The following FOCAD variants were observed in gnomAD, a reference collection of about 807,000 sequenced individuals.
FOCAD encodes the protein KIAA1797.
A neutral mutation model predicts 225.6 loss-of-function variants in FOCAD; 198 were observed. That is an observed-to-expected ratio of 0.88 (90% CI 0.78 to 0.99). The LOEUF is 0.99. FOCAD is among the 50% of genes least tolerant of loss of function. The probability of loss-of-function intolerance (pLI) is 0.00; values close to 1 mark genes in which losing one functional copy is unlikely to be tolerated. For missense variants in FOCAD, 2,713 were observed against 2,123.6 expected (o/e 1.28, Z -5.46); for synonymous variants, 897 against 755.0 (o/e 1.19, Z -3.08).
intron 2 of FOCAD, among the ~76,000 whole-genome samples, chr9:20,662,880 A>C (rs1403542875): frequency 1.3e-5 from 2 of 152,214 alleles, no homozygotes; most frequent in Non-Finnish European, 1.5e-5. Flanking sequence ...TTAATAGAAA[A>C]ATCAAGACAT....
intron 33 of FOCAD, 96 bp downstream of exon 33, chr9:20,949,771 T>C (rs1837520597): frequency 2.8e-6 from 3 of 1,072,236 alleles, no homozygotes; most frequent in Non-Finnish European, 4.3e-6. Context: ...ACCTGGAAAA[T>C]GGGAAAGTCT....
At chr9:20,896,271 T>C (rs1471659955) in intron 21 of FOCAD, among the ~76,000 whole-genome samples, 1 of 151,920 alleles carries the variant, frequency 6.6e-6, no homozygotes, top group Non-Finnish European at 1.5e-5. Context: ...TATATTTTGT[T>C]GAGGCCTTTT....
Position 20,832,075 on chromosome 9 carries a change from G to A in FOCAD, c.1920+8960G>A, listed in dbSNP as rs79049530. ...TTGAGTAATACTGTGTTGTATGGCT[G>A]TATCAGTTGATGAACATTTGGCTTT... On this transcript the variant is annotated intron_variant, in intron 15 of 43. Coordinates refer to ENST00000338382, the MANE Select transcript of FOCAD (RefSeq NM_001375567.1). 2.2e-3 allele frequency among the ~76,000 whole-genome samples: 338 copies of A among 152,118 alleles called. 10 individuals carry two copies. The East Asian group carries it at 0.043, about 20-fold the overall frequency.
At chr9:20,845,010 C>T (rs890537317) in intron 15 of FOCAD, among the ~76,000 whole-genome samples, 17 of 151,902 alleles carry the variant, frequency 1.1e-4, no homozygotes, top group Non-Finnish European at 1.8e-4. Flanking sequence ...AATCCCTTTC[C>T]GATTTCTTTC....
chr9:20,795,664 G>C (rs1019187078), intron 11 of FOCAD, among the ~76,000 whole-genome samples: 1 of 151,294 alleles, frequency 6.6e-6, no homozygotes, highest in Non-Finnish European at 1.5e-5. Flanking sequence ...GGTGCCTGTA[G>C]TCCCAGCTAC....
chr9:20,912,101 C>T (rs1833485551), intron 22 of FOCAD, among the ~76,000 whole-genome samples: 1 of 152,086 alleles, frequency 6.6e-6, no homozygotes, highest in Non-Finnish European at 1.5e-5. Context: ...TAAACTGGCA[C>T]ATCTACTTCT....
intron 24 of FOCAD, among the ~76,000 whole-genome samples, chr9:20,917,681 C>G (rs746793098): frequency 2.6e-5 from 4 of 152,080 alleles, no homozygotes; most frequent in Non-Finnish European, 5.9e-5. Flanking sequence ...TACCTTTGAC[C>G]TAGAGGATTT....
chr9:20,851,570 TA>T (rs1170417998), intron 15 of FOCAD, among the ~76,000 whole-genome samples: 1 of 151,840 alleles, frequency 6.6e-6, no homozygotes, highest in Non-Finnish European at 1.5e-5. Context: ...TAATAAAGTC[TA>T]ATATCTGGTA....
intron 8 of FOCAD, among the ~76,000 whole-genome samples, chr9:20,770,832 T>A (rs1350746339): frequency 6.6e-6 from 1 of 152,216 alleles, no homozygotes; most frequent in Non-Finnish European, 1.5e-5. Context: ...ATCATTAAAA[T>A]ACTCTTCGGA....
At chr9:20,985,026 C>G (rs771230435) in intron 39 of FOCAD, among the ~76,000 whole-genome samples, 1 of 152,170 alleles carries the variant, frequency 6.6e-6, no homozygotes, top group Non-Finnish European at 1.5e-5. Flanking sequence ...GTTTTGACCT[C>G]CTGGCCTCAA....
At chr9:20,705,665 T>C (rs1824318472) in intron 1 of FOCAD, among the ~76,000 whole-genome samples, 1 of 151,948 alleles carries the variant, frequency 6.6e-6, no homozygotes, top group South Asian at 2.1e-4. Flanking sequence ...AAATGTTTTG[T>C]ACTGGGCAAT....
At position 20,766,141 on chromosome 9, in the gene FOCAD, G is replaced by A. The variant is rs982312405; in HGVS notation, c.699+1068G>A. Among the ~76,000 whole-genome samples, 9 of 152,226 alleles carry A rather than the reference G, an allele frequency of 5.9e-5. No homozygotes were observed. The South Asian group carries it at 1.7e-3, about 28-fold the overall frequency. On this transcript the variant is annotated intron_variant, in intron 7 of 43. Transcript: ENST00000338382. ...TGCATTACCCTGTTCTGTGCTCCTT[G>A]GCAAAGGTTTGTCTTCATCTTATGA... is the stretch of plus-strand genomic sequence containing the variant.
intron 35 of FOCAD, among the ~76,000 whole-genome samples, chr9:20,962,322 G>A (rs759528393): frequency 1.3e-5 from 2 of 151,714 alleles, no homozygotes; most frequent in African/African-American, 2.4e-5. Flanking sequence ...GTGTTTTATC[G>A]TAAATACTTA....
rs780036303 is a variant in FOCAD at position 20,693,392 on chromosome 9, A to G, written c.-33+9099A>G. On this transcript the variant is annotated intron_variant, in intron 1 of 43. Transcript: ENST00000338382. ...GAAACCTCTCTCTCTAATACTGTCT[A>G]TCCTCCACTCTGGTTTACTTTTATC... 2.1e-4 allele frequency among the ~76,000 whole-genome samples: 32 copies of G among 152,128 alleles called. 1 individual carries two copies. Among genetic ancestry groups the G allele is most frequent in the Admixed American group, 9.8e-4 (15 of 15,276 alleles).
chr9:20,887,619 A>T (rs1422649963), intron 21 of FOCAD, among the ~76,000 whole-genome samples: 1 of 152,176 alleles, frequency 6.6e-6, no homozygotes, highest in Non-Finnish European at 1.5e-5. Flanking sequence ...GTTTTCAATG[A>T]TTAAGACTAA....
intron 1 of FOCAD, 127 bp from the exon 2 acceptor site, chr9:20,715,195 C>T (rs1825232889): frequency 2.6e-6 from 1 of 380,524 alleles, no homozygotes; most frequent in Non-Finnish European, 4.7e-6. Context: ...CTCTGCAGAG[C>T]CCTGTGCTTT....
chr9:20,798,512 C>T (rs1286691427), intron 11 of FOCAD, among the ~76,000 whole-genome samples: 1 of 152,186 alleles, frequency 6.6e-6, no homozygotes, highest in East Asian at 1.9e-4. Context: ...TTAATTATTT[C>T]CTCAATTTCA....
intron 25 of FOCAD, among the ~76,000 whole-genome samples, chr9:20,925,461 G>A (rs1167031168): frequency 6.6e-6 from 1 of 152,186 alleles, no homozygotes; most frequent in Non-Finnish European, 1.5e-5. Context: ...ATGAGGCTTT[G>A]CTTTTATTCA....
intron 4 of FOCAD, among the ~76,000 whole-genome samples, chr9:20,728,675 T>C (rs1425695867): frequency 6.6e-6 from 1 of 152,200 alleles, no homozygotes; most frequent in African/African-American, 2.4e-5. Flanking sequence ...TTAAGGGTTC[T>C]TGAGTAAATT....
Sources: allele counts gnomAD v4.1 joint callset (sites outside exome capture counted in the v4.1 genomes callset), GRCh38; gene constraint gnomAD v4.1.1; transcripts MANE v1.5; gene names NCBI Gene and HGNC (gene_info 2026-07-23, HGNC 2026-07-21).